The following CFAP91 variants were observed in gnomAD, a reference collection of about 807,000 sequenced individuals.
CFAP91 encodes the protein cilia and flagella associated protein 91, also known as cilia- and flagella-associated protein 91.
Under a neutral mutation model 95.9 loss-of-function variants are expected in CFAP91, and 85 were observed. The observed-to-expected ratio is 0.89, with a 90% confidence interval of 0.74 to 1.06. CFAP91 has a LOEUF of 1.06. Ranked by LOEUF, CFAP91 falls within the 50% of genes least tolerant of loss-of-function variation. The pLI is 0.00. For missense variants in CFAP91, 962 were observed against 943.4 expected, an observed-to-expected ratio of 1.02 and a Z score of -0.26; for synonymous variants, 335 against 327.5, an observed-to-expected ratio of 1.02 and a Z score of -0.25.
chr3:119,722,730 G>A (rs1366496223), intron 6 of CFAP91, among the ~76,000 whole-genome samples: 1 of 152,070 alleles, frequency 6.6e-6, no homozygotes, highest in Non-Finnish European at 1.5e-5. Context: ...CTTGGACCTA[G>A]AAATTCTCCT....
Position 119,724,659 on chromosome 3 carries a change from T to G in CFAP91, c.683-1512T>G, listed in dbSNP as rs953784443. Among the ~76,000 whole-genome samples the G allele has an allele frequency of 2.6e-5, 4 of 152,202 alleles. No homozygotes were observed. The East Asian group carries it at 5.8e-4, about 22-fold the overall frequency. On this transcript the variant is annotated intron_variant, in intron 6 of 17. Transcript: ENST00000273390. Reference sequence around the variant, plus strand: ...TCCTCACCAAATGCATCATTGTGACTGCCTCTGGGAAGGTGATCAGAATGA... The same window carrying G: ...TCCTCACCAAATGCATCATTGTGACGGCCTCTGGGAAGGTGATCAGAATGA...
chr3:119,728,065 G>A (rs545790015), intron 7 of CFAP91, among the ~76,000 whole-genome samples: 1 of 152,054 alleles, frequency 6.6e-6, no homozygotes, highest in African/African-American at 2.4e-5. Flanking sequence ...TGGACTATAA[G>A]GAGCTCTGTC....
chr3:119,717,162 G>T (rs34845376), intron 6 of CFAP91, among the ~76,000 whole-genome samples: 18,926 of 152,182 alleles, frequency 0.12, 1,422 homozygotes, highest in East Asian at 0.19. Context: ...AAGGTGAGGG[G>T]CCAGCGCCCT....
intron 11 of CFAP91, among the ~76,000 whole-genome samples, chr3:119,738,140 T>C (rs897160139): frequency 1.3e-5 from 2 of 151,998 alleles, no homozygotes; most frequent in Non-Finnish European, 2.9e-5. Context: ...AGAAGCCAGA[T>C]TGTATTCAGA....
intron 7 of CFAP91, among the ~76,000 whole-genome samples, chr3:119,728,127 A>G (rs560222917): frequency 0.017 from 2,577 of 151,934 alleles, 62 homozygotes; most frequent in African/African-American, 0.058. Flanking sequence ...ATAATATGAT[A>G]ATGATGATGA....
intron 6 of CFAP91, among the ~76,000 whole-genome samples, chr3:119,721,519 T>C (rs147915303): frequency 4.5e-4 from 68 of 152,288 alleles, no homozygotes; most frequent in African/African-American, 1.6e-3. Flanking sequence ...TCAGGAACAT[T>C]TGGGAATATG....
At chr3:119,713,648 A>G (rs534025068) in intron 5 of CFAP91, among the ~76,000 whole-genome samples, 2 of 152,178 alleles carry the variant, frequency 1.3e-5, no homozygotes, top group East Asian at 3.9e-4. Flanking sequence ...ACATGTTAAA[A>G]AAGAAGATTC....
chr3:119,707,515 A>G lies in CFAP91; in HGVS notation c.313A>G (p.Lys105Glu). ...PVPPFISREWKGHKEKHREAL... is the reference protein window; with the variant it reads ...PVPPFISREWEGHKEKHREAL... ...CCCACCATTTATCAGTCGGGAATGG[A>G]AGGGACATAAGGAGAAACACAGAGA... Residue 105 changes from lysine to glutamate, a missense_variant, in exon 3 of 18, where the codon AAG becomes GAG. Coordinates refer to ENST00000273390, the MANE Select transcript of CFAP91 (RefSeq NM_033364.4). The G allele has an allele frequency of 6.3e-7, 1 of 1,595,068 alleles. No homozygotes were observed. The highest frequency in any genetic ancestry group is 8.6e-7 in the Non-Finnish European group (1 of 1,166,942).
In CFAP91 at chr3:119,750,567, G is replaced by A. The variant is rs147392607; in HGVS notation, c.2144-370G>A. On this transcript the variant is annotated intron_variant, in intron 16 of 17. Transcript: ENST00000273390. The stretch of plus-strand genomic sequence containing the variant: ...TTACACTCTAGATATCAAACGAAAT[G>A]TAACTCACATGAAGTGCTTCAATGC... The A allele has an allele frequency of 1.6e-3, 356 of 227,624 alleles. 1 individual carries two copies. Among genetic ancestry groups the A allele is most frequent in the Admixed American group, 4.2e-3 (82 of 19,448 alleles). The allele number at this position is 227,624 out of a possible 1,614,324, so 14.1% of individuals were successfully genotyped here. A position where few individuals can be genotyped will look rare whatever the true frequency, so the allele number is the denominator to read the frequency against.
intron 4 of CFAP91, among the ~76,000 whole-genome samples, chr3:119,709,305 ATTAT>A (rs1450314849): frequency 6.6e-6 from 1 of 152,242 alleles, no homozygotes; most frequent in African/African-American, 2.4e-5. Flanking sequence ...AATCCACATT[ATTAT>A]TTATGAGCAA....
rs758003569 is a variant in CFAP91 at position 119,707,583 on chromosome 3, G to C, written c.359+22G>C. On this transcript the variant is annotated intron_variant, in intron 3 of 17. Coordinates refer to ENST00000273390, the MANE Select transcript of CFAP91 (RefSeq NM_033364.4). ...CCACGTAAGTGTCGGGTGGCTCCAG[G>C]GCCTAAAATAAATGCATTAAAAGCA... The C allele has an allele frequency of 5.9e-6, 9 of 1,515,642 alleles. No homozygotes were observed. The South Asian group carries it at 1.2e-4, about 20-fold the overall frequency. The allele number at this position is 1,515,642 out of a possible 1,614,324, so 93.9% of individuals were successfully genotyped here. A position where few individuals can be genotyped will look rare whatever the true frequency, so the allele number is the denominator to read the frequency against.
intron 6 of CFAP91, among the ~76,000 whole-genome samples, chr3:119,722,320 A>G (rs905243207): frequency 2.0e-5 from 3 of 152,184 alleles, no homozygotes; most frequent in Middle Eastern, 3.4e-3. Context: ...TTAGCTGGGC[A>G]TGGTGGCATA....
chr3:119,750,374 A>C (rs1471915047), intron 16 of CFAP91: 2 of 155,280 alleles, frequency 1.3e-5, no homozygotes, highest in African/African-American at 4.8e-5. Context: ...CTCCTTTCCA[A>C]GGGCTTAGGT....
At chr3:119,735,189 G>A (rs764904429) in intron 10 of CFAP91, among the ~76,000 whole-genome samples, 3 of 151,762 alleles carry the variant, frequency 2.0e-5, no homozygotes, top group Non-Finnish European at 4.4e-5. Flanking sequence ...TAGTATTTAT[G>A]TTTCCAAACA....
chr3:119,743,470 A>G (rs2054160339), intron 13 of CFAP91, among the ~76,000 whole-genome samples: 1 of 152,222 alleles, frequency 6.6e-6, no homozygotes, highest in African/African-American at 2.4e-5. Flanking sequence ...TTATTAAAAA[A>G]GTAAAAAGTA....
Position 119,740,579 on chromosome 3 carries a change from T to A in CFAP91, c.1564T>A (p.Leu522Met). ...MFEGKEKRLE[L>M]IQELRTCHAL... The stretch of plus-strand genomic sequence containing the variant: ...TGAAGGGAAAGAAAAGCGACTGGAG[T>A]TGATCCAGGAGTTGCGCACCTGCCA... The change falls in exon 13 of 18, where the codon TTG becomes ATG. Residue 522 changes from leucine (L) to methionine (M), a missense_variant. Transcript: ENST00000273390. The A allele has an allele frequency of 6.2e-7, 1 of 1,613,800 alleles. No individual in the cohort carries two copies.
chr3:119,745,361 A>G (rs1577236881), intron 14 of CFAP91, among the ~76,000 whole-genome samples: 2 of 152,338 alleles, frequency 1.3e-5, no homozygotes, highest in East Asian at 1.9e-4. Context: ...ACACAGATAT[A>G]AAGTCATCGA....
chr3:119,723,725 T>C (rs9830785), intron 6 of CFAP91, among the ~76,000 whole-genome samples: 46,963 of 152,090 alleles, frequency 0.31, 7,372 homozygotes, highest in East Asian at 0.42. Flanking sequence ...TGCACAAAAA[T>C]ACGAGGTTCA....
At position 119,715,737 on chromosome 3, in the gene CFAP91, A is replaced by G. The variant is rs1184983314; in HGVS notation, c.676A>G (p.Thr226Ala). The G allele has an allele frequency of 3.1e-6, 5 of 1,613,690 alleles. No individual in the cohort carries two copies. Among genetic ancestry groups the G allele is most frequent in the Admixed American group, 3.3e-5 (2 of 60,002 alleles). ...IPELLTLATL[T>A]WGRGLPAGQA... ...TGAGCTCTTGACCCTGGCTACGCTT[A>G]CTTGGGGTGAGTTGGTAAATCTCCT... Residue 226 changes from threonine (T) to alanine (A), a missense_variant, in exon 6 of 18, where the codon ACT (threonine) becomes GCT (alanine). Transcript: ENST00000273390.
Sources: allele counts gnomAD v4.1 joint callset (sites outside exome capture counted in the v4.1 genomes callset), GRCh38; gene constraint gnomAD v4.1.1; transcripts MANE v1.5; gene names NCBI Gene and HGNC (gene_info 2026-07-23, HGNC 2026-07-21).